Variants in DMD observed in about 807,000 individuals in gnomAD.
The protein encoded by DMD is dystrophin.
Under a neutral mutation model 330.1 loss-of-function variants are expected in DMD, and 63 were observed. That is an observed-to-expected ratio of 0.19 (90% CI 0.16 to 0.24). The LOEUF (loss-of-function observed/expected upper bound fraction) is 0.24. DMD is among the 10% of genes least tolerant of loss of function. DMD has a pLI of 1.00. For synonymous variants in DMD, 1,223 were observed against 959.8 expected (o/e 1.27, Z -5.07); for missense variants, 3,344 against 2,684.1 (o/e 1.25, Z -5.43).
At chrX:32,671,332 A>T (rs767582595) in intron 9 of DMD, among the ~76,000 whole-genome samples, 1 of 111,039 alleles carries the variant, frequency 9.0e-6, no homozygotes, top group African/African-American at 3.3e-5. Flanking sequence ...AATTAACTAT[A>T]ACTTCGATTT....
intron 63 of DMD, among the ~76,000 whole-genome samples, chrX:31,256,042 C>T (rs2049926911): frequency 9.0e-6 from 1 of 110,528 alleles, no homozygotes; most frequent in Admixed American, 9.6e-5. Flanking sequence ...TCCCAAAGTG[C>T]TGGGATTACA....
intron 27 of DMD, among the ~76,000 whole-genome samples, chrX:32,441,832 T>C (rs1449718437): frequency 9.0e-6 from 1 of 111,622 alleles, no homozygotes; most frequent in South Asian, 3.6e-4. Flanking sequence ...AGTGGCTCTA[T>C]CTTAGTTTAG....
chrX:31,273,943 C>T (rs1201093374), intron 62 of DMD, among the ~76,000 whole-genome samples: 2 of 112,051 alleles, frequency 1.8e-5, no homozygotes, highest in Admixed American at 9.5e-5. Flanking sequence ...GCTCTGACAG[C>T]AATTTGAAGG....
chrX:32,888,150 TA>T (rs1332705181), intron 2 of DMD, among the ~76,000 whole-genome samples: 35 of 110,204 alleles, frequency 3.2e-4, no homozygotes, highest in African/African-American at 9.9e-4. Flanking sequence ...TTTTATTTTT[TA>T]TTTTTTTTAA....
chrX:31,157,420 G>C (rs1197947731), intron 74 of DMD, among the ~76,000 whole-genome samples: 1 of 111,782 alleles, frequency 8.9e-6, no homozygotes, highest in African/African-American at 3.3e-5. Flanking sequence ...CAAAACCTAA[G>C]ACAAAAATGG....
chrX:32,256,652 G>A (rs920751724), intron 43 of DMD, among the ~76,000 whole-genome samples: 2 of 111,295 alleles, frequency 1.8e-5, no homozygotes, highest in South Asian at 3.8e-4. Flanking sequence ...GGCTGGTACC[G>A]GTTTTTCCTT....
chrX:32,552,777 A>T (rs1382168846), intron 16 of DMD, among the ~76,000 whole-genome samples: 1 of 112,133 alleles, frequency 8.9e-6, no homozygotes, highest in African/African-American at 3.2e-5. Context: ...CCCTTTCCAG[A>T]AAAAGACATA....
intron 7 of DMD, among the ~76,000 whole-genome samples, chrX:32,719,622 T>A (rs2066062988): frequency 8.9e-6 from 1 of 111,976 alleles, no homozygotes; most frequent in Non-Finnish European, 1.9e-5. Context: ...GTGGAAATAT[T>A]TTGGATATTG....
At chrX:32,276,884 C>A (rs764240793) in intron 43 of DMD, among the ~76,000 whole-genome samples, 26 of 109,840 alleles carry the variant, frequency 2.4e-4, no homozygotes, top group African/African-American at 8.3e-4. Flanking sequence ...CCTGTCACAG[C>A]ACTCCAGCCT....
chrX:31,582,951 T>C (rs1387912824), intron 55 of DMD, among the ~76,000 whole-genome samples: 4 of 112,280 alleles, frequency 3.6e-5, no homozygotes, highest in Non-Finnish European at 7.5e-5. Context: ...ATTGGGTAGA[T>C]GGTGGTGCCA....
intron 59 of DMD, among the ~76,000 whole-genome samples, chrX:31,471,639 A>T (rs150617412): frequency 0.024 from 2,698 of 112,453 alleles, 47 homozygotes; most frequent in African/African-American, 0.055. Flanking sequence ...AAAGATGAAT[A>T]ATTCCTGCTT....
At chrX:32,899,975 TA>T (rs66785774) in intron 2 of DMD, among the ~76,000 whole-genome samples, 7 of 111,012 alleles carry the variant, frequency 6.3e-5, no homozygotes, top group Admixed American at 2.9e-4. Context: ...GTTTTGTTGA[TA>T]AAAAAAAGAA....
At chrX:32,815,520 T>TATATATATATATATATATACACACACAC in intron 6 of DMD, among the ~76,000 whole-genome samples, 14 of 78,910 alleles carry the variant, frequency 1.8e-4, no homozygotes, top group East Asian at 1.5e-3. Context: ...TATATATATA[T>TATATATATATATATATATACACACACAC]ACACACACAC....
chrX:31,463,908 T>C (rs1249368596), intron 59 of DMD, among the ~76,000 whole-genome samples: 1 of 111,807 alleles, frequency 8.9e-6, no homozygotes, highest in Non-Finnish European at 1.9e-5. Flanking sequence ...TCTCTGGGTA[T>C]AGGTTTCAAT....
intron 21 of DMD, among the ~76,000 whole-genome samples, chrX:32,478,096 TTAGA>T (rs1305539185): frequency 1.8e-5 from 2 of 111,783 alleles, no homozygotes; most frequent in Admixed American, 1.9e-4. Context: ...TGGATAGTGC[TTAGA>T]TAGAAGCTGG....
intron 55 of DMD, among the ~76,000 whole-genome samples, chrX:31,603,368 T>C (rs955583735): frequency 9.0e-6 from 1 of 111,517 alleles, no homozygotes; most frequent in African/African-American, 3.3e-5. Context: ...TTCTACTAAA[T>C]GTATGTCTAT....
intron 7 of DMD, among the ~76,000 whole-genome samples, chrX:32,783,439 A>AC (rs1222916109): frequency 1.9e-5 from 2 of 107,817 alleles, no homozygotes; most frequent in African/African-American, 6.7e-5. Flanking sequence ...TCCAAAAAAA[A>AC]TAAATTGTTT....
At chrX:32,500,645 G>A (rs1241218404) in intron 19 of DMD, among the ~76,000 whole-genome samples, 1 of 111,526 alleles carries the variant, frequency 9.0e-6, no homozygotes, top group Non-Finnish European at 1.9e-5. Context: ...CTGTTAAGTT[G>A]ATCAGTTAAA....
intron 37 of DMD, among the ~76,000 whole-genome samples, chrX:32,354,335 C>T (rs904739472): frequency 2.7e-5 from 3 of 110,895 alleles, no homozygotes; most frequent in Admixed American, 1.9e-4. Flanking sequence ...TTTATCATTA[C>T]AATATTGATA....
Sources: gnomAD v4.1 joint callset for allele counts (sites outside exome capture counted in the v4.1 genomes callset) on GRCh38, gnomAD v4.1.1 for gene constraint, MANE v1.5 for transcripts, NCBI Gene and HGNC (gene_info 2026-07-23, HGNC 2026-07-21) for gene names.